The following MEGF11 variants were observed in gnomAD, a reference collection of about 807,000 sequenced individuals.
The protein encoded by MEGF11 is multiple epidermal growth factor-like domains protein 11.
MEGF11 carries 126 observed loss-of-function variants against 146.6 expected under a neutral mutation model. The ratio of observed to expected loss-of-function variants is 0.86; its 90% CI spans 0.74 to 1.00. The LOEUF (loss-of-function observed/expected upper bound fraction) is 1.00. Ranked by LOEUF, MEGF11 falls within the 50% of genes least tolerant of loss-of-function variation. The pLI, the probability that MEGF11 is intolerant of heterozygous loss-of-function variation, is 0.00. For missense variants in MEGF11, 1,509 were observed against 1,521.2 expected, an observed-to-expected ratio of 0.99 and a Z score of 0.13; for synonymous variants, 532 against 583.4, an observed-to-expected ratio of 0.91 and a Z score of 1.27.
rs1318569514 is a variant in MEGF11, at chr15:66,072,271, G to A, written c.394+22131C>T. Among the ~76,000 whole-genome samples the A allele has an allele frequency of 2.6e-5, 4 of 152,150 alleles. No homozygotes were observed. The South Asian group carries it at 6.2e-4, about 24-fold the overall frequency. On this transcript the variant is annotated intron_variant, in intron 5 of 25. Transcript: ENST00000395614. ...AAACAGACCAAGAATGAGGGCTGACGAACACAAAGCTCCCCTAGTTTTTGG... is the reference window on the plus strand; with the variant it reads ...AAACAGACCAAGAATGAGGGCTGACAAACACAAAGCTCCCCTAGTTTTTGG...
intron 1 of MEGF11, among the ~76,000 whole-genome samples, chr15:66,184,900 G>T (rs1228075454): frequency 6.6e-6 from 1 of 151,902 alleles, no homozygotes; most frequent in African/African-American, 2.4e-5. Context: ...ACCAAGGCAG[G>T]CTCCTTTGCT....
intron 1 of MEGF11, among the ~76,000 whole-genome samples, chr15:66,191,904 T>C (rs1446679127): frequency 2.0e-5 from 3 of 151,370 alleles, no homozygotes; most frequent in East Asian, 2.0e-4. Context: ...TGAAACCCCG[T>C]ATCTACTAAA....
chr15:65,929,193 C>A lies in MEGF11; in HGVS notation c.1572+527G>T, dbSNP rs116763281. 4.5e-3 allele frequency among the ~76,000 whole-genome samples: 679 copies of A among 152,246 alleles called. 6 individuals are homozygous for A. Among genetic ancestry groups the A allele is most frequent in the African/African-American group, 0.016 (654 of 41,532 alleles). ...ATTAAGGACTGCATTGCTCATCCAG[C>A]AATATCATATCAGTGGGTTTAACTT... On this transcript the variant is annotated intron_variant, in intron 12 of 25. Transcript: ENST00000395614.
intron 1 of MEGF11, among the ~76,000 whole-genome samples, chr15:66,144,672 T>C (rs2089297864): frequency 6.6e-6 from 1 of 151,910 alleles, no homozygotes; most frequent in Admixed American, 6.6e-5. Context: ...GGTTCATAGC[T>C]CCCCCAGCCA....
intron 5 of MEGF11, among the ~76,000 whole-genome samples, chr15:66,017,296 ACTG>A (rs1192839272): frequency 1.3e-5 from 2 of 152,208 alleles, no homozygotes; most frequent in Non-Finnish European, 2.9e-5. Context: ...TCCTCAGGAT[ACTG>A]CTAATGATGG....
chr15:66,181,597 T>C lies in MEGF11; in HGVS notation c.-8-53186A>G, dbSNP rs575601856. Among the ~76,000 whole-genome samples the C allele has an allele frequency of 7.9e-5, 12 of 152,282 alleles. No homozygotes were observed. The East Asian group carries it at 2.3e-3, about 29-fold the overall frequency. On this transcript the variant is annotated intron_variant, in intron 1 of 25. Transcript: ENST00000395614. ...TGCCAATCTTAGAAAGAATAGTCCTTAATAGTGAATATGTTTAGCTTCATG... is the reference window on the plus strand; with the variant it reads ...TGCCAATCTTAGAAAGAATAGTCCTCAATAGTGAATATGTTTAGCTTCATG...
intron 23 of MEGF11, among the ~76,000 whole-genome samples, chr15:65,908,764 G>C (rs1436945038): frequency 6.6e-6 from 1 of 152,132 alleles, no homozygotes; most frequent in Non-Finnish European, 1.5e-5. Context: ...CTGTAGGGAG[G>C]GCAGTTTTGT....
chr15:66,102,041 C>T (rs2086831796), intron 4 of MEGF11, among the ~76,000 whole-genome samples: 1 of 151,980 alleles, frequency 6.6e-6, no homozygotes, highest in Non-Finnish European at 1.5e-5. Flanking sequence ...AAATTGTCAA[C>T]TTGTCAGAAC....
In MEGF11 at chr15:65,900,104, C is replaced by T. The variant is rs570897945; in HGVS notation, c.3056-1170G>A. On this transcript the variant is annotated intron_variant, in intron 24 of 25. Transcript: ENST00000395614. ...TAAACTCTAATCTAGCAGCTCTGACCTTCTTCTGTGAAGCTCTGCTAGACA... is the reference window on the plus strand; with the variant it reads ...TAAACTCTAATCTAGCAGCTCTGACTTTCTTCTGTGAAGCTCTGCTAGACA... Among the ~76,000 whole-genome samples the T allele has an allele frequency of 8.5e-5, 13 of 152,146 alleles. No individual in the cohort carries two copies. In the South Asian group the frequency reaches 1.4e-3, roughly 17 times the overall value.
chr15:65,972,463 C>T (rs1166933108), intron 7 of MEGF11, among the ~76,000 whole-genome samples: 1 of 152,096 alleles, frequency 6.6e-6, no homozygotes, highest in Non-Finnish European at 1.5e-5. Flanking sequence ...AATTCTAGCA[C>T]TTTGGGAGGC....
At chr15:66,018,310 A>G (rs2082967574) in intron 5 of MEGF11, among the ~76,000 whole-genome samples, 2 of 152,258 alleles carry the variant, frequency 1.3e-5, no homozygotes, top group Middle Eastern at 6.8e-3. Flanking sequence ...CATTTGGGAG[A>G]GTCCTTCCGC....
chr15:66,171,799 G>A (rs1597134142), intron 1 of MEGF11, among the ~76,000 whole-genome samples: 2 of 121,462 alleles, frequency 1.6e-5, no homozygotes, highest in South Asian at 5.2e-4. Flanking sequence ...CCCTCTCCCC[G>A]CTTCACCCTT....
chr15:66,112,553 G>A (rs894312693), intron 4 of MEGF11, among the ~76,000 whole-genome samples: 2 of 152,186 alleles, frequency 1.3e-5, no homozygotes, highest in African/African-American at 2.4e-5. Flanking sequence ...ATGGAAGAAA[G>A]GAGATTTTTG....
intron 1 of MEGF11, among the ~76,000 whole-genome samples, chr15:66,143,259 C>T (rs2089236439): frequency 6.6e-6 from 1 of 152,244 alleles, no homozygotes; most frequent in Non-Finnish European, 1.5e-5. Flanking sequence ...GAGCTAACCC[C>T]AAATCCAGCA....
intron 10 of MEGF11, among the ~76,000 whole-genome samples, chr15:65,954,399 G>T (rs2080506041): frequency 6.6e-6 from 1 of 152,188 alleles, no homozygotes; most frequent in Non-Finnish European, 1.5e-5. Context: ...CTGGAGTGAG[G>T]ACAAGAGTAA....
At chr15:65,926,214 T>C (rs1050241655) in intron 13 of MEGF11, among the ~76,000 whole-genome samples, 1 of 152,252 alleles carries the variant, frequency 6.6e-6, no homozygotes, top group Non-Finnish European at 1.5e-5. Context: ...ATTGAATAAA[T>C]GGTTCCCCCT....
At chr15:65,930,421 C>T (rs777077402) in intron 11 of MEGF11, among the ~76,000 whole-genome samples, 3 of 152,148 alleles carry the variant, frequency 2.0e-5, no homozygotes, top group Non-Finnish European at 4.4e-5. Flanking sequence ...CTCCCTCTTT[C>T]TCTGCCTGGG....
intron 5 of MEGF11, among the ~76,000 whole-genome samples, chr15:66,040,986 C>T (rs766937753): frequency 1.3e-5 from 2 of 151,644 alleles, no homozygotes; most frequent in Non-Finnish European, 1.5e-5. Flanking sequence ...CGAGACCATG[C>T]CTGTTTGGTC....
chr15:65,906,005 G>A (rs2078616250), intron 24 of MEGF11, 80 bp downstream of exon 24: 10 of 1,210,418 alleles, frequency 8.3e-6, no homozygotes, highest in Non-Finnish European at 1.2e-5. Flanking sequence ...TGTCTCAAGT[G>A]GAATTCCTGG....
Sources: gnomAD v4.1 joint callset for allele counts (sites outside exome capture counted in the v4.1 genomes callset) on GRCh38, gnomAD v4.1.1 for gene constraint, MANE v1.5 for transcripts, NCBI Gene and HGNC (gene_info 2026-07-23, HGNC 2026-07-21) for gene names.